The following SOX6 variants were observed in gnomAD, a reference collection of about 807,000 sequenced individuals.
SOX6 encodes transcription factor SOX-6.
Under a neutral mutation model 97.8 loss-of-function variants are expected in SOX6, and 11 were observed. The observed-to-expected ratio is 0.11, with a 90% CI of 0.07 to 0.19. The LOEUF (loss-of-function observed/expected upper bound fraction) is 0.19, where lower values mean the gene tolerates loss of function less well. Ranked by LOEUF, SOX6 falls within the 10% of genes least tolerant of loss-of-function variation. The pLI is 1.00. For missense variants in SOX6, 810 were observed against 1,039.5 expected, an observed-to-expected ratio of 0.78 and a Z score of 3.04; for synonymous variants, 360 against 371.4, an observed-to-expected ratio of 0.97 and a Z score of 0.35.
chr11:16,654,639 C>G (rs1285319709), intron 3 of SOX6, among the ~76,000 whole-genome samples: 3 of 152,100 alleles, frequency 2.0e-5, no homozygotes, highest in African/African-American at 7.2e-5. Context: ...AAATTCTAGG[C>G]TGATATATAT....
At chr11:16,687,640 G>T (rs1319839290) in intron 3 of SOX6, among the ~76,000 whole-genome samples, 1 of 152,076 alleles carries the variant, frequency 6.6e-6, no homozygotes, top group Non-Finnish European at 1.5e-5. Context: ...GACTTTTGAA[G>T]AATATTTTTG....
intron 2 of SOX6, among the ~76,000 whole-genome samples, chr11:16,338,151 AT>A (rs1856520402): frequency 6.6e-6 from 1 of 152,068 alleles, no homozygotes; most frequent in South Asian, 2.1e-4. Flanking sequence ...TGAAAAAATT[AT>A]TGTTATTTTT....
chr11:16,169,925 TAA>T (rs10603433), intron 6 of SOX6, among the ~76,000 whole-genome samples: 72,716 of 148,898 alleles, frequency 0.49, 17,750 homozygotes, highest in Middle Eastern at 0.66. Context: ...TGTGTTTATG[TAA>T]AAAAAAAAAA....
intron 3 of SOX6, chr11:16,252,540 T>A (rs1310550829): frequency 6.6e-6 from 1 of 152,194 alleles, no homozygotes; most frequent in African/African-American, 2.4e-5. Flanking sequence ...GAGTTTTACC[T>A]CCAGAAGCTC....
chr11:16,204,508 A>C (rs1385234751), intron 4 of SOX6, among the ~76,000 whole-genome samples: 1 of 152,052 alleles, frequency 6.6e-6, no homozygotes, highest in African/African-American at 2.4e-5. Flanking sequence ...CAATTGTTAC[A>C]AAGGTCACTG....
chr11:16,021,304 A>G (rs1855053294), intron 12 of SOX6, among the ~76,000 whole-genome samples: 1 of 152,168 alleles, frequency 6.6e-6, no homozygotes, highest in South Asian at 2.1e-4. Context: ...CTTACTCTGA[A>G]TGACTTTCTT....
intron 3 of SOX6, chr11:16,264,869 A>G (rs1854025081): frequency 6.9e-6 from 1 of 144,652 alleles, no homozygotes; most frequent in Admixed American, 6.9e-5. Context: ...AAAAAAAAGA[A>G]GCTTAAAAAA....
chr11:16,211,000 C>G (rs567333442), intron 4 of SOX6, among the ~76,000 whole-genome samples: 19 of 152,008 alleles, frequency 1.2e-4, no homozygotes, highest in Non-Finnish European at 1.6e-4. Context: ...AAAACATGAT[C>G]CGTGGGAATA....
At chr11:16,652,257 A>G (rs1847664296) in intron 3 of SOX6, among the ~76,000 whole-genome samples, 1 of 152,182 alleles carries the variant, frequency 6.6e-6, no homozygotes, top group Non-Finnish European at 1.5e-5. Context: ...ACTAGGAAAA[A>G]CACTCTTAAA....
At chr11:16,273,267 T>C (rs981389756) in intron 3 of SOX6, among the ~76,000 whole-genome samples, 1 of 152,142 alleles carries the variant, frequency 6.6e-6, no homozygotes, top group East Asian at 1.9e-4. Context: ...GTCATTAATA[T>C]TTCCAAATCT....
chr11:16,036,661 A>C (rs982117903), intron 12 of SOX6, among the ~76,000 whole-genome samples: 1 of 152,176 alleles, frequency 6.6e-6, no homozygotes, highest in Admixed American at 6.5e-5. Flanking sequence ...TCTTCAGGAT[A>C]TACCAAAGCC....
At chr11:16,380,133 T>C (rs1857767524) in intron 1 of SOX6, among the ~76,000 whole-genome samples, 1 of 151,922 alleles carries the variant, frequency 6.6e-6, no homozygotes, top group Non-Finnish European at 1.5e-5. Flanking sequence ...TTTTTATATG[T>C]ATTGCCTAAA....
intron 4 of SOX6, among the ~76,000 whole-genome samples, chr11:16,575,273 C>A (rs369942023): frequency 6.8e-4 from 103 of 152,204 alleles, no homozygotes; most frequent in African/African-American, 1.5e-3. Flanking sequence ...TGCTGAATAA[C>A]AAGAATGTTA....
At chr11:16,322,766 G>A (rs2134309833) in intron 2 of SOX6, among the ~76,000 whole-genome samples, 1 of 152,196 alleles carries the variant, frequency 6.6e-6, no homozygotes, top group African/African-American at 2.4e-5. Flanking sequence ...CGATGCACAG[G>A]TCCTGATCCC....
intron 9 of SOX6, among the ~76,000 whole-genome samples, chr11:16,080,816 C>T (rs532435204): frequency 6.6e-6 from 1 of 152,218 alleles, no homozygotes; most frequent in East Asian, 1.9e-4. Flanking sequence ...GACAGAGGAA[C>T]AGTTAGGTAG....
intron 3 of SOX6, among the ~76,000 whole-genome samples, chr11:16,651,139 C>A (rs544412444): frequency 1.7e-4 from 26 of 151,978 alleles, no homozygotes; most frequent in African/African-American, 5.3e-4. Context: ...AAACTGCCTA[C>A]AAAAAGAAAG....
At chr11:16,659,586 G>T (rs576545445) in intron 3 of SOX6, among the ~76,000 whole-genome samples, 28 of 152,184 alleles carry the variant, frequency 1.8e-4, no homozygotes, top group Non-Finnish European at 3.5e-4. Context: ...TTTTGACTGG[G>T]ATTGCATTGA....
At chr11:16,176,119 G>C (rs567438407) in intron 6 of SOX6, among the ~76,000 whole-genome samples, 8 of 150,278 alleles carry the variant, frequency 5.3e-5, no homozygotes, top group African/African-American at 2.4e-5. Context: ...ATGAGACAGA[G>C]AGAGAGAGAG....
chr11:16,648,753 T>A (rs893892943), intron 3 of SOX6, among the ~76,000 whole-genome samples: 3 of 151,728 alleles, frequency 2.0e-5, no homozygotes, highest in African/African-American at 7.3e-5. Flanking sequence ...CAGCAATAAA[T>A]CCAAACCAAG....
Sources: allele counts gnomAD v4.1 joint callset (sites outside exome capture counted in the v4.1 genomes callset), GRCh38; gene constraint gnomAD v4.1.1; transcripts MANE v1.5; gene names NCBI Gene and HGNC (gene_info 2026-07-23, HGNC 2026-07-21).